The following THSD4 variants were observed in gnomAD, a reference collection of about 807,000 sequenced individuals.
THSD4 encodes thrombospondin type 1 domain containing 4, also known as thrombospondin type-1 domain-containing protein 4.
In THSD4, 69 loss-of-function variants were observed where a neutral mutation model predicts 119.0. The ratio of observed to expected loss-of-function variants is 0.58; its 90% CI spans 0.48 to 0.71. THSD4 has a LOEUF of 0.71. THSD4 is among the 30% of genes least tolerant of loss of function. The probability of loss-of-function intolerance (pLI) is 0.00; values close to 1 mark genes in which losing one functional copy is unlikely to be tolerated. For synonymous variants in THSD4, 524 were observed against 540.4 expected, an observed-to-expected ratio of 0.97 and a Z score of 0.42; for missense variants, 1,393 against 1,391.1, an observed-to-expected ratio of 1.00 and a Z score of -0.02.
At position 71,772,302 on chromosome 15, in the gene THSD4, T is replaced by C. The variant is rs185985616; in HGVS notation, c.2914+1094T>C. On this transcript the variant is annotated intron_variant, in intron 17 of 17. Transcript: ENST00000261862. ...TTACAGCATAGATGCTTTATGATCA[T>C]AAGTTTCCTATGTCCCAGCAATGAC... Among the ~76,000 whole-genome samples, 33 of 152,296 alleles carry C rather than the reference T, an allele frequency of 2.2e-4. 2 individuals are homozygous for C. In the East Asian group the frequency reaches 6.4e-3, roughly 29 times the overall value.
At chr15:71,744,146 G>GC (rs1326697126) in intron 11 of THSD4, among the ~76,000 whole-genome samples, 1 of 125,826 alleles carries the variant, frequency 7.9e-6, no homozygotes, top group Non-Finnish European at 1.6e-5. Flanking sequence ...AATTGAATCA[G>GC]CTTTTTTTTT....
intron 6 of THSD4, among the ~76,000 whole-genome samples, chr15:71,387,669 T>C (rs2046312964): frequency 6.6e-6 from 1 of 152,200 alleles, no homozygotes; most frequent in Non-Finnish European, 1.5e-5. Flanking sequence ...CGAACTTGCT[T>C]TATGTGCTGT....
intron 17 of THSD4, among the ~76,000 whole-genome samples, chr15:71,772,107 TC>T (rs2053832705): frequency 6.6e-6 from 1 of 152,214 alleles, no homozygotes; most frequent in Non-Finnish European, 1.5e-5. Flanking sequence ...AGTAGCTTCT[TC>T]ACAGTCTGCT....
chr15:71,255,239 A>G (rs1252527402), intron 5 of THSD4, among the ~76,000 whole-genome samples: 2 of 152,108 alleles, frequency 1.3e-5, no homozygotes, highest in Admixed American at 1.3e-4. Flanking sequence ...ACACACACAC[A>G]AACACACACA....
chr15:71,308,840 A>C (rs928399625), intron 6 of THSD4, among the ~76,000 whole-genome samples: 3 of 152,186 alleles, frequency 2.0e-5, no homozygotes, highest in Non-Finnish European at 2.9e-5. Flanking sequence ...CAGCTGCAGC[A>C]TTTTACATTT....
chr15:71,277,147 C>T (rs192495549), intron 6 of THSD4, among the ~76,000 whole-genome samples: 3 of 51,694 alleles, frequency 5.8e-5, no homozygotes, highest in East Asian at 1.2e-3. Context: ...TTTTTTGAAA[C>T]GGAGTTTCAC....
At chr15:71,669,378 T>C (rs2051476751) in intron 8 of THSD4, among the ~76,000 whole-genome samples, 1 of 152,216 alleles carries the variant, frequency 6.6e-6, no homozygotes, top group African/African-American at 2.4e-5. Context: ...ACATTTCAAC[T>C]CTGCTTAAAT....
At chr15:71,503,427 C>G (rs2048141429) in intron 7 of THSD4, among the ~76,000 whole-genome samples, 2 of 152,172 alleles carry the variant, frequency 1.3e-5, no homozygotes, top group African/African-American at 2.4e-5. Flanking sequence ...ACCACACTTT[C>G]CCATTGTCCC....
intron 6 of THSD4, among the ~76,000 whole-genome samples, chr15:71,325,510 C>A (rs2045326178): frequency 6.6e-6 from 1 of 152,168 alleles, no homozygotes; most frequent in Admixed American, 6.5e-5. Flanking sequence ...ATGCAAGGAA[C>A]CTGGATACCA....
chr15:71,207,633 C>T (rs1335028913), intron 3 of THSD4, among the ~76,000 whole-genome samples: 2 of 152,206 alleles, frequency 1.3e-5, no homozygotes, highest in African/African-American at 2.4e-5. Flanking sequence ...GGCGGGTCAG[C>T]GGGCATTACC....
At chr15:71,128,169 C>T (rs766451374) in intron 1 of THSD4, among the ~76,000 whole-genome samples, 16 of 150,566 alleles carry the variant, frequency 1.1e-4, no homozygotes, top group East Asian at 1.9e-4. Context: ...GAAGATGTAA[C>T]GATAGAAATT....
intron 6 of THSD4, among the ~76,000 whole-genome samples, chr15:71,350,472 C>T (rs552313284): frequency 7.9e-5 from 12 of 152,082 alleles, no homozygotes; most frequent in Non-Finnish European, 1.0e-4. Flanking sequence ...TGCCAGTGAC[C>T]GCTTAAGTGA....
intron 6 of THSD4, among the ~76,000 whole-genome samples, chr15:71,339,087 A>G (rs540261809): frequency 1.7e-4 from 26 of 152,162 alleles, no homozygotes; most frequent in Admixed American, 3.3e-4. Flanking sequence ...TTTTGTCCTG[A>G]CCTCACCTAC....
At chr15:71,336,892 T>C (rs1459753756) in intron 6 of THSD4, among the ~76,000 whole-genome samples, 1 of 152,210 alleles carries the variant, frequency 6.6e-6, no homozygotes, top group East Asian at 1.9e-4. Context: ...TGTTCCTTCA[T>C]GTCAACTGAA....
intron 6 of THSD4, among the ~76,000 whole-genome samples, chr15:71,307,158 C>T (rs2045041526): frequency 6.6e-6 from 1 of 152,182 alleles, no homozygotes. Flanking sequence ...GACACCCCAA[C>T]TTTTCTGGCC....
At chr15:71,471,655 C>T (rs2047582926) in intron 7 of THSD4, among the ~76,000 whole-genome samples, 1 of 151,292 alleles carries the variant, frequency 6.6e-6, no homozygotes, top group Non-Finnish European at 1.5e-5. Context: ...ACTTCCTGGC[C>T]CAGCCTCATA....
chr15:71,228,697 A>G (rs2044037364), intron 4 of THSD4, among the ~76,000 whole-genome samples: 3 of 152,184 alleles, frequency 2.0e-5, no homozygotes, highest in Admixed American at 1.3e-4. Context: ...CTGGCTTTAA[A>G]GCCCAGCTTG....
intron 1 of THSD4, among the ~76,000 whole-genome samples, chr15:71,108,990 T>TCAAA (rs901677498): frequency 1.3e-4 from 19 of 151,992 alleles, no homozygotes; most frequent in African/African-American, 3.1e-4. Flanking sequence ...AGACTCCGTC[T>TCAAA]CAAACAAACA....
intron 10 of THSD4, among the ~76,000 whole-genome samples, chr15:71,735,421 C>G (rs527938687): frequency 2.0e-5 from 3 of 152,190 alleles, no homozygotes; most frequent in African/African-American, 7.2e-5. Flanking sequence ...TACCTCTCCT[C>G]CATCTTGAAA....
Sources: gnomAD v4.1 joint callset for allele counts (sites outside exome capture counted in the v4.1 genomes callset) on GRCh38, gnomAD v4.1.1 for gene constraint, MANE v1.5 for transcripts, NCBI Gene and HGNC (gene_info 2026-07-23, HGNC 2026-07-21) for gene names.